The following UBR2 variants were observed in gnomAD, a reference collection of about 807,000 sequenced individuals.
UBR2 encodes ubiquitin protein ligase E3 component n-recognin 2.
A neutral mutation model predicts 247.9 loss-of-function variants in UBR2; 92 were observed. That is an observed-to-expected ratio of 0.37 (90% CI 0.31 to 0.44). The LOEUF (loss-of-function observed/expected upper bound fraction) is 0.44. UBR2 is among the 20% of genes least tolerant of loss of function. The probability of loss-of-function intolerance (pLI) is 1.00; values close to 1 mark genes in which losing one functional copy is unlikely to be tolerated. For synonymous variants in UBR2, 672 were observed against 693.5 expected, an observed-to-expected ratio of 0.97 and a Z score of 0.49; for missense variants, 1,613 against 2,112.6, an observed-to-expected ratio of 0.76 and a Z score of 4.64.
intron 1 of UBR2, among the ~76,000 whole-genome samples, chr6:42,569,002 C>A (rs1483641285): frequency 6.6e-6 from 1 of 152,082 alleles, no homozygotes; most frequent in Non-Finnish European, 1.5e-5. Flanking sequence ...GTCAGTAATT[C>A]TTTCTTTTTT....
chr6:42,564,482 A>C, intron 1 of UBR2, 85 bp downstream of exon 1: 1 of 1,449,654 alleles, frequency 6.9e-7, no homozygotes, highest in Non-Finnish European at 9.3e-7. Flanking sequence ...GTCCTGGAGC[A>C]GCCCGACCCA....
intron 11 of UBR2, among the ~76,000 whole-genome samples, chr6:42,623,236 GT>G (rs1795114383): frequency 6.6e-6 from 1 of 151,954 alleles, no homozygotes; most frequent in Non-Finnish European, 1.5e-5. Flanking sequence ...CTTGGTTTTT[GT>G]TTGATTGTTT....
chr6:42,652,726 G>A, intron 25 of UBR2, 81 bp downstream of exon 25: 1 of 1,290,652 alleles, frequency 7.7e-7, no homozygotes, highest in South Asian at 1.4e-5. Flanking sequence ...CTATACACAG[G>A]AAAACTAGGC....
intron 11 of UBR2, among the ~76,000 whole-genome samples, chr6:42,628,355 G>GT (rs1014570219): frequency 2.0e-5 from 3 of 152,014 alleles, no homozygotes; most frequent in African/African-American, 7.2e-5. Context: ...TTAGTGGAAT[G>GT]TTTTACAGCA....
intron 15 of UBR2, 49 bp downstream of exon 15, chr6:42,637,243 T>C: frequency 6.4e-7 from 1 of 1,563,064 alleles, no homozygotes; most frequent in Non-Finnish European, 8.7e-7. Flanking sequence ...TTTTAAATTG[T>C]TGTTTGTGGT....
Position 42,679,748 on chromosome 6 carries a change from A to AATT in UBR2, c.4634_4635insATT (p.His1545delinsGlnPhe), listed in dbSNP as rs1562396637. 1.9e-6 allele frequency: 3 copies of AATT among 1,613,300 alleles called. No homozygotes were observed. The highest frequency in any genetic ancestry group is 2.5e-6 in the Non-Finnish European group (3 of 1,179,794). On this transcript the variant is annotated protein_altering_variant, in exon 42 of 47. Coordinates refer to ENST00000372901, the MANE Select transcript of UBR2 (RefSeq NM_001363705.2). ...GTTCCTGGAACAAGCCATTTTGAACATTTATGTAGCTATCTTTCCCTACCA... is the reference window on the plus strand; with the variant it reads ...GTTCCTGGAACAAGCCATTTTGAACAATTTTTATGTAGCTATCTTTCCCTACCA...
intron 40 of UBR2, among the ~76,000 whole-genome samples, chr6:42,677,459 GA>G (rs1002565104): frequency 5.9e-5 from 9 of 151,752 alleles, no homozygotes; most frequent in Admixed American, 3.9e-4. Context: ...TCAACATATA[GA>G]AAAAAAACAT....
chr6:42,600,065 A>G lies in UBR2; in HGVS notation c.532-3523A>G, dbSNP rs566258194. 1.2e-4 allele frequency among the ~76,000 whole-genome samples: 19 copies of G among 152,264 alleles called. No homozygotes were observed. The South Asian group carries it at 2.3e-3, about 18-fold the overall frequency. On this transcript the variant is annotated intron_variant, in intron 4 of 46. Transcript: ENST00000372901. ...TGACTGCAGCCTCTAGTTTATTTCT[A>G]TATTTTTAGTTGGGCAGTATGGAGA...
chr6:42,580,715 G>A (rs1329968777), intron 2 of UBR2, among the ~76,000 whole-genome samples: 1 of 152,030 alleles, frequency 6.6e-6, no homozygotes, highest in Admixed American at 6.6e-5. Flanking sequence ...AATTTGTTTT[G>A]TATTTGTAGT....
At position 42,684,819 on chromosome 6, in the gene UBR2, A is replaced by G. The variant is rs1185363006; in HGVS notation, c.4801A>G (p.Ile1601Val). 8 of 1,610,638 alleles carry G rather than the reference A, an allele frequency of 5.0e-6. No individual in the cohort carries two copies. The highest frequency in any genetic ancestry group is 5.1e-6 in the Non-Finnish European group (6 of 1,178,494). ...ATATCCAAGAGAATCTAACAAATTA[A>G]TAAACCTTCCAGAGGATTACAGCAG... ...IRYPRESNKL[I>V]NLPEDYSSLI... The change falls in exon 44 of 47, where the codon ATA becomes GTA. Residue 1601 changes from isoleucine to valine, a missense_variant. Coordinates refer to ENST00000372901, the MANE Select transcript of UBR2 (RefSeq NM_001363705.2).
chr6:42,575,389 C>T (rs1791440606), intron 2 of UBR2, among the ~76,000 whole-genome samples: 1 of 152,240 alleles, frequency 6.6e-6, no homozygotes, highest in African/African-American at 2.4e-5. Context: ...TTTGAATATT[C>T]TGTTGATGTT....
chr6:42,660,995 T>TA (rs1412157471), intron 30 of UBR2, among the ~76,000 whole-genome samples: 33 of 119,846 alleles, frequency 2.8e-4, no homozygotes, highest in South Asian at 5.3e-4. Flanking sequence ...TTGTTTGTTT[T>TA]TAAAAAAAAA....
intron 42 of UBR2, among the ~76,000 whole-genome samples, chr6:42,682,161 A>C (rs995937241): frequency 3.9e-5 from 6 of 152,214 alleles, no homozygotes; most frequent in African/African-American, 1.4e-4. Context: ...CCAGTCACAA[A>C]AGGATAAATA....
chr6:42,611,800 G>A (rs1794105980), intron 7 of UBR2, among the ~76,000 whole-genome samples: 2 of 151,900 alleles, frequency 1.3e-5, no homozygotes, highest in Admixed American at 1.3e-4. Context: ...CAGCTCCTTG[G>A]GAGGCTGAGG....
chr6:42,564,433 TCG>T, intron 1 of UBR2, 36 bp downstream of exon 1: 1 of 1,592,544 alleles, frequency 6.3e-7, no homozygotes, highest in Non-Finnish European at 8.5e-7. Context: ...CGTCTGCCCC[TCG>T]CAGGCCGCGC....
At chr6:42,569,051 ATTAT>A (rs1275151439) in intron 1 of UBR2, among the ~76,000 whole-genome samples, 2 of 152,126 alleles carry the variant, frequency 1.3e-5, no homozygotes, top group Non-Finnish European at 2.9e-5. Flanking sequence ...TAAACCATAT[ATTAT>A]TTATCTGTTC....
chr6:42,689,614 C>T lies in UBR2; in HGVS notation c.5070C>T (p.Gly1690=). Residue 1690 remains glycine, a synonymous_variant, in exon 46 of 47, where the codon GGC becomes GGT. Transcript: ENST00000372901. This position sits in a 1 kb window ranked among gnomAD's most constrained non-coding sequence, Gnocchi z 4.0. The part of the protein sequence containing the change: ...QVLFLAGKTK[G]CFYSPPYLDD... ...TATTTTTAGCTGGCAAAACCAAAGG[C>T]TGTTTTTATTCTCCTCCTTACCTTG... The T allele has an allele frequency of 6.2e-7, 1 of 1,614,166 alleles. No individual in the cohort carries two copies. Among genetic ancestry groups the T allele is most frequent in the Non-Finnish European group, 8.5e-7 (1 of 1,180,008 alleles).
chr6:42,573,808 C>T lies in UBR2; in HGVS notation c.153C>T (p.Cys51=). The change falls in exon 2 of 47, where the codon TGC becomes TGT. Residue 51 remains cysteine, a synonymous_variant. Coordinates refer to ENST00000372901, the MANE Select transcript of UBR2 (RefSeq NM_001363705.2). ...HLAHYVPKIY[C]RGPNPFPQKE... The stretch of plus-strand genomic sequence containing the variant: ...CCCACTATGTACCCAAAATCTACTG[C>T]AGGGGTCCCAACCCTTTTCCACAGA... 1 of 1,613,432 alleles carries T rather than the reference C, an allele frequency of 6.2e-7. No individual in the cohort carries two copies. Among genetic ancestry groups the T allele is most frequent in the Non-Finnish European group, 8.5e-7 (1 of 1,179,638 alleles).
At chr6:42,590,820 T>C (rs1792613151) in intron 2 of UBR2, among the ~76,000 whole-genome samples, 1 of 152,168 alleles carries the variant, frequency 6.6e-6, no homozygotes, top group African/African-American at 2.4e-5. Context: ...ATTTGAACAA[T>C]AAAATTAATA....
Sources: gnomAD v4.1 joint callset for allele counts (sites outside exome capture counted in the v4.1 genomes callset) on GRCh38, gnomAD v4.1.1 for gene constraint, Gnocchi (gnomAD v3.1) non-coding constraint, MANE v1.5 for transcripts, NCBI Gene and HGNC (gene_info 2026-07-23, HGNC 2026-07-21) for gene names.